Variants in RELN observed in about 807,000 individuals in gnomAD.
The protein encoded by RELN is reelin.
Under a neutral mutation model 427.6 loss-of-function variants are expected in RELN, and 108 were observed. That is an observed-to-expected ratio of 0.25 (90% CI 0.22 to 0.30). RELN has a LOEUF of 0.30. Among genes scored for constraint, RELN ranks in the 10% least tolerant of loss-of-function variants. The pLI, the probability that RELN is intolerant of heterozygous loss-of-function variation, is 1.00. For missense variants in RELN, 3,715 were observed against 4,302.8 expected, an observed-to-expected ratio of 0.86 and a Z score of 3.82; for synonymous variants, 1,524 against 1,513.4, an observed-to-expected ratio of 1.01 and a Z score of -0.16.
At chr7:103,889,848 A>ACTT (rs1192445658) in intron 2 of RELN, among the ~76,000 whole-genome samples, 1 of 152,136 alleles carries the variant, frequency 6.6e-6, no homozygotes, top group Admixed American at 6.6e-5. Context: ...GGCACTAGAA[A>ACTT]CATTTTCCCA....
chr7:103,523,248 C>T, intron 47 of RELN, 143 bp downstream of exon 47: 1 of 876,062 alleles, frequency 1.1e-6, no homozygotes. Flanking sequence ...ATCAACTTCA[C>T]AGTTAGCTCA....
chr7:103,978,064 CTTAAA>C (rs141807674), intron 1 of RELN, among the ~76,000 whole-genome samples: 1,566 of 152,166 alleles, frequency 0.01, 32 homozygotes, highest in African/African-American at 0.035. Context: ...ATCTATTTAT[CTTAAA>C]TTAATCAAAG....
At position 103,682,165 on chromosome 7, in the gene RELN, C is replaced by T. The variant is rs940165878; in HGVS notation, c.1240G>A (p.Glu414Lys). The part of the protein sequence containing the change: ...ATTRDVDLST[E>K]DIQEQWSEEF... ...TCTGACCATTGCTCTTGAATATCTTCTGTGGAAAGATCTACATCCCTGGTG... is the reference window on the plus strand; with the variant it reads ...TCTGACCATTGCTCTTGAATATCTTTTGTGGAAAGATCTACATCCCTGGTG... The change falls in exon 11 of 65, where the codon GAA becomes AAA. Residue 414 changes from glutamate (E) to lysine (K), a missense_variant. Glu to Lys is a moderately conservative substitution (Grantham distance 56, BLOSUM62 1). Transcript: ENST00000428762. 3.1e-6 allele frequency: 5 copies of T among 1,613,804 alleles called. 1 individual carries two copies. The highest frequency in any genetic ancestry group is 3.3e-4 in the Middle Eastern group (2 of 6,080).
chr7:103,902,616 A>G (rs1795107830), intron 2 of RELN, among the ~76,000 whole-genome samples: 1 of 152,096 alleles, frequency 6.6e-6, no homozygotes, highest in Non-Finnish European at 1.5e-5. Context: ...CAACTCCCAC[A>G]CTAACAAGTA....
chr7:103,691,337 CAA>C (rs1384546700), intron 10 of RELN, among the ~76,000 whole-genome samples: 4 of 151,658 alleles, frequency 2.6e-5, no homozygotes, highest in Non-Finnish European at 5.9e-5. Context: ...TCCCCCCCGC[CAA>C]AAAACAGAAA....
chr7:103,559,779 T>C (rs987853456), intron 36 of RELN, among the ~76,000 whole-genome samples: 3 of 151,922 alleles, frequency 2.0e-5, no homozygotes, highest in Non-Finnish European at 4.4e-5. Flanking sequence ...CATGTGGGAG[T>C]GGAGGTTGAG....
At chr7:103,804,996 C>G (rs576823809) in intron 3 of RELN, among the ~76,000 whole-genome samples, 3 of 151,956 alleles carry the variant, frequency 2.0e-5, no homozygotes, top group South Asian at 4.2e-4. Context: ...AATTTAATAT[C>G]TAATCGGGTA....
chr7:103,748,052 TATG>T (rs1335510700), intron 6 of RELN, among the ~76,000 whole-genome samples: 4 of 150,716 alleles, frequency 2.7e-5, no homozygotes, highest in Admixed American at 2.0e-4. Flanking sequence ...AAACAAATCA[TATG>T]ATAACATCTA....
At chr7:103,591,502 T>C (rs1831414878) in intron 27 of RELN, among the ~76,000 whole-genome samples, 1 of 152,236 alleles carries the variant, frequency 6.6e-6, no homozygotes, top group African/African-American at 2.4e-5. Flanking sequence ...GTAGAAATTT[T>C]ATTGTGCACA....
intron 3 of RELN, among the ~76,000 whole-genome samples, chr7:103,795,340 T>C (rs1792275125): frequency 2.0e-5 from 3 of 152,242 alleles, no homozygotes. Flanking sequence ...GCCCTTAGGC[T>C]TGGGCAAGTC....
Position 103,565,504 on chromosome 7 carries a change from T to C in RELN, c.4984A>G (p.Thr1662Ala). The change falls in exon 34 of 65, where the codon ACC (threonine) becomes GCC (alanine). Residue 1662 changes from threonine (T) to alanine (A), a missense_variant. Thr to Ala is a moderately conservative substitution (Grantham distance 58, BLOSUM62 0). Transcript: ENST00000428762. Reference protein sequence around the residue: ...ETWDFHVSASTFLQFEMSMGC... With the variant: ...ETWDFHVSASAFLQFEMSMGC... ...ATGCTCATTTCAAACTGCAAAAAGGTAGATGCTGACACATGAAAATCCCAG... is the reference window on the plus strand; with the variant it reads ...ATGCTCATTTCAAACTGCAAAAAGGCAGATGCTGACACATGAAAATCCCAG... 4 of 1,613,590 alleles carry C rather than the reference T, an allele frequency of 2.5e-6. No individual in the cohort carries two copies. The highest frequency in any genetic ancestry group is 3.4e-6 in the Non-Finnish European group (4 of 1,179,918).
chr7:103,551,235 C>T lies in RELN; in HGVS notation c.6134G>A (p.Arg2045Lys). ...SADPVRLEFS[R>K]DFGATWHLLL... is the part of the protein sequence containing the mutation. ...AAGGTGCCAGGTCGCCCCGAAGTCCCTTGAAAATTCCAGTCTCACTGGATC... is the reference window on the plus strand; with the variant it reads ...AAGGTGCCAGGTCGCCCCGAAGTCCTTTGAAAATTCCAGTCTCACTGGATC... Residue 2045 changes from arginine to lysine, a missense_variant, in exon 41 of 65, where the codon AGG becomes AAG. Arg to Lys is a conservative substitution (Grantham distance 26, BLOSUM62 2). Transcript: ENST00000428762. 6.2e-7 allele frequency: 1 copy of T among 1,614,064 alleles called. No individual in the cohort carries two copies. Among genetic ancestry groups the T allele is most frequent in the Non-Finnish European group, 8.5e-7 (1 of 1,180,016 alleles).
At chr7:103,502,215 T>A (rs1829053226) in intron 52 of RELN, among the ~76,000 whole-genome samples, 2 of 152,356 alleles carry the variant, frequency 1.3e-5, no homozygotes, top group South Asian at 4.1e-4. Context: ...TTCCTTAGTA[T>A]GTTAATTGAA....
intron 3 of RELN, among the ~76,000 whole-genome samples, chr7:103,825,067 T>C (rs1433102596): frequency 6.6e-6 from 1 of 152,112 alleles, no homozygotes; most frequent in Non-Finnish European, 1.5e-5. Flanking sequence ...TTATTATTAC[T>C]ATTATGACCA....
chr7:103,635,869 C>T (rs1338277279), intron 18 of RELN, among the ~76,000 whole-genome samples: 1 of 152,168 alleles, frequency 6.6e-6, no homozygotes, highest in Non-Finnish European at 1.5e-5. Flanking sequence ...CACTTCTTTA[C>T]TGCATTATTT....
intron 2 of RELN, among the ~76,000 whole-genome samples, chr7:103,901,352 T>C (rs3915122): frequency 0.43 from 65,296 of 151,742 alleles, 14,494 homozygotes; most frequent in East Asian, 0.75. Flanking sequence ...TTGGCAGTTC[T>C]TCAAAAAATT....
chr7:103,559,308 C>T (rs1303495736), intron 36 of RELN, among the ~76,000 whole-genome samples: 1 of 152,144 alleles, frequency 6.6e-6, no homozygotes, highest in Non-Finnish European at 1.5e-5. Flanking sequence ...CCAGATAATG[C>T]CAAATGTAGA....
intron 4 of RELN, among the ~76,000 whole-genome samples, chr7:103,768,454 A>C (rs1216848951): frequency 6.6e-6 from 1 of 152,194 alleles, no homozygotes; most frequent in East Asian, 1.9e-4. Context: ...AATTTTCAAA[A>C]ATTTGTAATA....
chr7:103,539,338 T>C lies in RELN; in HGVS notation c.6931-11A>G. ...TCCTCCAATAAGAATCTGAAATGTA[T>C]TTTTAAAAAATCCCAAATTTTCCAT... On this transcript the variant is annotated splice_polypyrimidine_tract_variant and intron_variant, in intron 44 of 64. Coordinates refer to ENST00000428762, the MANE Select transcript of RELN (RefSeq NM_005045.4). The C allele has an allele frequency of 1.2e-6, 2 of 1,613,288 alleles. No homozygotes were observed. Among genetic ancestry groups the C allele is most frequent in the Non-Finnish European group, 1.7e-6 (2 of 1,179,346 alleles).
Sources: gnomAD v4.1 joint callset for allele counts (sites outside exome capture counted in the v4.1 genomes callset) on GRCh38, gnomAD v4.1.1 for gene constraint, MANE v1.5 for transcripts, NCBI Gene and HGNC (gene_info 2026-07-23, HGNC 2026-07-21) for gene names.